Variants in ZNF169 observed in about 807,000 individuals in gnomAD.
ZNF169 encodes the protein zinc finger protein 169.
A neutral mutation model predicts 12.0 loss-of-function variants in ZNF169; 11 were observed. That is an observed-to-expected ratio of 0.92 (90% CI 0.58 to 1.52). The LOEUF (loss-of-function observed/expected upper bound fraction) is 1.52. Among genes scored for constraint, ZNF169 ranks in the 40% most tolerant of loss-of-function variants. The pLI, the probability that ZNF169 is intolerant of heterozygous loss-of-function variation, is 0.00. For synonymous variants in ZNF169, 302 were observed against 286.5 expected (o/e 1.05, Z -0.55); for missense variants, 722 against 744.0 (o/e 0.97, Z 0.34).
intron 1 of ZNF169, among the ~76,000 whole-genome samples, chr9:94,272,967 C>T (rs988374745): frequency 6.6e-6 from 1 of 152,058 alleles, no homozygotes; most frequent in East Asian, 1.9e-4. Flanking sequence ...TTGCATTTCC[C>T]TGGTAATTTG....
At chr9:94,278,737 A>G (rs187022638) in intron 1 of ZNF169, 21 bp from the exon 2 acceptor site, 2 of 1,437,796 alleles carry the variant, frequency 1.4e-6, no homozygotes, top group East Asian at 4.6e-5. Context: ...TACCTCTCTC[A>G]CTTCTCATCT....
At position 94,292,438 on chromosome 9, in the gene ZNF169, T is replaced by G. The variant is rs1430737975; in HGVS notation, c.131T>G (p.Leu44Arg). 3.7e-6 allele frequency: 6 copies of G among 1,613,968 alleles called. No individual in the cohort carries two copies. Among genetic ancestry groups the G allele is most frequent in the Non-Finnish European group, 5.1e-6 (6 of 1,179,966 alleles). Residue 44 changes from leucine to arginine, a missense_variant, in exon 3 of 5, where the codon CTG (leucine) becomes CGG (arginine). Leu to Arg is a moderately radical substitution (Grantham distance 102). Transcript: ENST00000395395. ...AGGACCCTGTACAGGGAGGTGATGC[T>G]GGAGAACTACAGCCATCTGGTCTCC... ...AQRTLYREVM[L>R]ENYSHLVSLG...
At chr9:94,267,625 G>T (rs1830317140) in intron 1 of ZNF169, among the ~76,000 whole-genome samples, 1 of 152,168 alleles carries the variant, frequency 6.6e-6, no homozygotes, top group South Asian at 2.1e-4. Context: ...CCTTGACACT[G>T]AAAAGCAAAA....
chr9:94,265,125 AGTT>A (rs1324913331), intron 1 of ZNF169, among the ~76,000 whole-genome samples: 24 of 150,650 alleles, frequency 1.6e-4, no homozygotes, highest in Non-Finnish European at 1.3e-4. Flanking sequence ...CTTCAAAAAT[AGTT>A]GTACCATTTT....
At chr9:94,288,741 A>T (rs1364352977) in intron 2 of ZNF169, among the ~76,000 whole-genome samples, 1 of 152,060 alleles carries the variant, frequency 6.6e-6, no homozygotes, top group Non-Finnish European at 1.5e-5. Context: ...CTTCCCCTTC[A>T]TCCTTCCACC....
chr9:94,296,211 A>G (rs1159750438), intron 4 of ZNF169, among the ~76,000 whole-genome samples: 1 of 152,222 alleles, frequency 6.6e-6, no homozygotes, highest in East Asian at 1.9e-4. Context: ...GCCCATTTAA[A>G]AATGTGGTTT....
chr9:94,269,813 G>C (rs147696121), intron 1 of ZNF169, among the ~76,000 whole-genome samples: 1 of 152,164 alleles, frequency 6.6e-6, no homozygotes, highest in African/African-American at 2.4e-5. Flanking sequence ...AGATGTAAGT[G>C]ATTAACTTCT....
intron 2 of ZNF169, among the ~76,000 whole-genome samples, chr9:94,286,288 T>C (rs926353852): frequency 2.0e-5 from 3 of 152,216 alleles, no homozygotes; most frequent in African/African-American, 7.2e-5. Context: ...TCCAGACTTG[T>C]CTCTCAAACC....
rs1366735816 is a variant in ZNF169 at position 94,301,133 on chromosome 9, GA to G, written c.1577del (p.Lys526SerfsTer93). 10 of 1,614,182 alleles carry G rather than the reference GA, an allele frequency of 6.2e-6. No homozygotes were observed. Among genetic ancestry groups the G allele is most frequent in the Non-Finnish European group, 8.5e-6 (10 of 1,180,042 alleles). On this transcript the variant is annotated frameshift_variant, in exon 5 of 5. Transcript: ENST00000395395. LOFTEE classifies it low-confidence loss of function (END_TRUNC). ...DRVCGQGLGQ[K>X]SHLISDQRTH... Reference sequence around the variant, plus strand: ...GGGTGTGTGGACAAGGACTTGGCCAGAAGTCACACCTTATCTCTGACCAAAG... The same window carrying G: ...GGGTGTGTGGACAAGGACTTGGCCAGAGTCACACCTTATCTCTGACCAAAG...
intron 1 of ZNF169, among the ~76,000 whole-genome samples, chr9:94,266,652 A>T (rs900338296): frequency 6.6e-6 from 1 of 152,194 alleles, no homozygotes; most frequent in Non-Finnish European, 1.5e-5. Context: ...AGGAGGAAAA[A>T]ATTGAAAACA....
intron 2 of ZNF169, among the ~76,000 whole-genome samples, chr9:94,279,511 G>A (rs892737523): frequency 4.6e-5 from 7 of 151,804 alleles, no homozygotes; most frequent in South Asian, 2.1e-4. Flanking sequence ...ACAGTGGCGC[G>A]TGCCTGTAAT....
intron 1 of ZNF169, among the ~76,000 whole-genome samples, chr9:94,269,368 C>A (rs62578821): frequency 0.36 from 54,943 of 151,996 alleles, 10,426 homozygotes; most frequent in Middle Eastern, 0.45. Context: ...GACATACTAT[C>A]TGGGCAACTC....
intron 2 of ZNF169, among the ~76,000 whole-genome samples, chr9:94,281,757 G>A (rs1315956796): frequency 6.6e-6 from 1 of 152,156 alleles, no homozygotes; most frequent in Non-Finnish European, 1.5e-5. Context: ...GGGCTCCGAG[G>A]CTATAGGTAA....
Position 94,301,545 on chromosome 9 carries a change from C to T in ZNF169, c.*175C>T. ...TCTTGGCTTGCTAGGGGTTCCATAA[C>T]AAAGTACCCCAGGCTGGGTGATTTT... is the stretch of plus-strand genomic sequence containing the variant. On this transcript the variant is annotated 3_prime_UTR_variant, in exon 5 of 5. Coordinates refer to ENST00000395395, the MANE Select transcript of ZNF169 (RefSeq NM_194320.4). 1 of 1,177,238 alleles carries T rather than the reference C, an allele frequency of 8.5e-7. No homozygotes were observed. The highest frequency in any genetic ancestry group is 1.1e-6 in the Non-Finnish European group (1 of 873,870). 72.9% of individuals were successfully genotyped at this position (1,177,238 alleles called of 1,614,324 possible).
At chr9:94,288,572 A>G in intron 2 of ZNF169, 1 of 450,036 alleles carries the variant, frequency 2.2e-6, no homozygotes, top group Non-Finnish European at 4.3e-6. Flanking sequence ...TGGCGGCAAC[A>G]GGCTCAGAGG....
At chr9:94,273,030 GA>G (rs372434346) in intron 1 of ZNF169, among the ~76,000 whole-genome samples, 1 of 150,892 alleles carries the variant, frequency 6.6e-6, no homozygotes, top group African/African-American at 2.4e-5. Context: ...ATCTTCTTTA[GA>G]GAAATGTCTA....
chr9:94,293,967 CTG>C (rs1289005325), intron 4 of ZNF169: 1 of 152,268 alleles, frequency 6.6e-6, no homozygotes, highest in African/African-American at 2.4e-5. Flanking sequence ...CATTCCATGA[CTG>C]TCTTTATCCT....
Position 94,301,237 on chromosome 9 carries a change from A to AGGGATGCC in ZNF169, c.1679_1680insGGGATGCC (p.His560GlnfsTer62). 6.2e-7 allele frequency: 1 copy of AGGGATGCC among 1,614,082 alleles called. No individual in the cohort carries two copies. Among genetic ancestry groups the AGGGATGCC allele is most frequent in the Non-Finnish European group, 8.5e-7 (1 of 1,180,018 alleles). ...GGCTTTAAGTCTGCCCTCATCCGAC[A>AGGGATGCC]TCAGCGGACCCATTCTGGGGAGAAG... On this transcript the variant is annotated frameshift_variant, in exon 5 of 5. Transcript: ENST00000395395. LOFTEE classifies it low-confidence loss of function (END_TRUNC).
intron 4 of ZNF169, chr9:94,293,431 T>G: frequency 1.8e-6 from 1 of 569,484 alleles, no homozygotes; most frequent in Non-Finnish European, 3.1e-6. Flanking sequence ...TTTTTATTTT[T>G]TTTGAGACAG....
Sources: allele counts gnomAD v4.1 joint callset (sites outside exome capture counted in the v4.1 genomes callset), GRCh38; gene constraint gnomAD v4.1.1; transcripts MANE v1.5; gene names NCBI Gene and HGNC (gene_info 2026-07-23, HGNC 2026-07-21).